The following FAM13A variants were observed in gnomAD, a reference collection of about 807,000 sequenced individuals.
FAM13A encodes the protein family with sequence similarity 13 member A.
A neutral mutation model predicts 129.6 loss-of-function variants in FAM13A; 76 were observed. The observed-to-expected ratio is 0.59, with a 90% CI of 0.49 to 0.71. The LOEUF (loss-of-function observed/expected upper bound fraction) is 0.71, where lower values mean the gene tolerates loss of function less well. Ranked by LOEUF, FAM13A falls within the 30% of genes least tolerant of loss-of-function variation. The pLI, the probability that FAM13A is intolerant of heterozygous loss-of-function variation, is 0.00. For missense variants in FAM13A, 1,108 were observed against 1,249.3 expected (o/e 0.89, Z 1.70); for synonymous variants, 443 against 449.9 (o/e 0.98, Z 0.20).
chr4:88,938,391 C>A (rs1754178230), intron 4 of FAM13A, 150 bp from the exon 5 acceptor site: 2 of 589,576 alleles, frequency 3.4e-6, no homozygotes, highest in East Asian at 2.9e-5. Context: ...ACATGCATGA[C>A]ATTGTTGGGG....
chr4:88,978,778 G>A (rs1167454209), intron 4 of FAM13A, among the ~76,000 whole-genome samples: 4 of 151,830 alleles, frequency 2.6e-5, no homozygotes, highest in South Asian at 2.1e-4. Flanking sequence ...TGGGCGACAG[G>A]GCGAGACTCC....
At chr4:88,928,300 G>C (rs779989687) in intron 5 of FAM13A, among the ~76,000 whole-genome samples, 1 of 152,190 alleles carries the variant, frequency 6.6e-6, no homozygotes, top group South Asian at 2.1e-4. Context: ...AGAGAAGAAT[G>C]TATATTCCAT....
intron 3 of FAM13A, among the ~76,000 whole-genome samples, chr4:88,999,240 G>T (rs1431850872): frequency 1.3e-5 from 2 of 152,150 alleles, no homozygotes; most frequent in African/African-American, 4.8e-5. Flanking sequence ...TATTTATTTT[G>T]TGAGTATTTA....
intron 3 of FAM13A, among the ~76,000 whole-genome samples, chr4:89,008,358 G>C (rs1765323768): frequency 6.6e-6 from 1 of 152,158 alleles, no homozygotes; most frequent in Admixed American, 6.5e-5. Context: ...AGAAGAGAAA[G>C]AGGTATCAGG....
intron 4 of FAM13A, among the ~76,000 whole-genome samples, chr4:88,942,299 G>C (rs1285878090): frequency 6.6e-6 from 1 of 152,156 alleles, no homozygotes; most frequent in Non-Finnish European, 1.5e-5. Context: ...GGGTATGGTG[G>C]CTCATGCCTA....
chr4:88,838,799 C>T (rs956774375), intron 7 of FAM13A, among the ~76,000 whole-genome samples: 2 of 152,052 alleles, frequency 1.3e-5, no homozygotes, highest in African/African-American at 2.4e-5. Flanking sequence ...AATTTCACTG[C>T]AGTACTTGCA....
In FAM13A at chr4:88,743,523, C is replaced by T. The variant is rs573900671; in HGVS notation, c.2466+3409G>A. ...GCACCAGAGAGGGTAATGATTTGCTCAAGGCCACAGAGATGGGTCCAGATC... is the reference window on the plus strand; with the variant it reads ...GCACCAGAGAGGGTAATGATTTGCTTAAGGCCACAGAGATGGGTCCAGATC... On this transcript the variant is annotated intron_variant, in intron 19 of 23. Transcript: ENST00000264344. Among the ~76,000 whole-genome samples, 5 of 152,260 alleles carry T rather than the reference C, an allele frequency of 3.3e-5. No individual in the cohort carries two copies. The East Asian group carries it at 5.8e-4, about 18-fold the overall frequency.
At position 88,768,013 on chromosome 4, in the gene FAM13A, G is replaced by C. The variant is rs1342560589; in HGVS notation, c.1505C>G (p.Pro502Arg). 1.2e-6 allele frequency: 2 copies of C among 1,608,174 alleles called. No individual in the cohort carries two copies. Among genetic ancestry groups the C allele is most frequent in the East Asian group, 2.2e-5 (1 of 44,750 alleles). ...ATCAGACATCCATTCAAAATCATCA[G>C]GTCCAGTTCTCTCATGAGATCGTGT... is the stretch of plus-strand genomic sequence containing the variant. ...NSTRSHERTG[P>R]DDFEWMSDER... is the part of the protein sequence containing the mutation. The change falls in exon 12 of 24, where the codon CCT (proline) becomes CGT (arginine). Residue 502 changes from proline to arginine, a missense_variant. By Grantham distance (103) the Pro-to-Arg change is moderately radical. Around this residue, in one of 3 missense-constraint regions of FAM13A, gnomAD observed 13 missense variants for 32.4 expected, o/e 0.40. Coordinates refer to ENST00000264344, the MANE Select transcript of FAM13A (RefSeq NM_014883.4).
chr4:89,034,923 T>C (rs1769172140), intron 1 of FAM13A, among the ~76,000 whole-genome samples: 1 of 152,114 alleles, frequency 6.6e-6, no homozygotes, highest in Non-Finnish European at 1.5e-5. Flanking sequence ...AAGATATATG[T>C]GCTCATATGT....
intron 4 of FAM13A, among the ~76,000 whole-genome samples, chr4:88,957,202 G>A (rs890689774): frequency 2.6e-5 from 4 of 152,046 alleles, no homozygotes; most frequent in African/African-American, 4.8e-5. Flanking sequence ...GGCACATGCC[G>A]GCAGTCCCAT....
chr4:89,047,201 T>C (rs1770971718), intron 1 of FAM13A, among the ~76,000 whole-genome samples: 1 of 152,172 alleles, frequency 6.6e-6, no homozygotes, highest in African/African-American at 2.4e-5. Context: ...AAGCATAATC[T>C]GTTTTTATAA....
chr4:88,880,871 A>C (rs1579095036), intron 6 of FAM13A, among the ~76,000 whole-genome samples: 3 of 128,836 alleles, frequency 2.3e-5, no homozygotes, highest in African/African-American at 6.1e-5. Context: ...GCTTTTCCCC[A>C]CTCCCTTGGG....
intron 6 of FAM13A, among the ~76,000 whole-genome samples, chr4:88,862,389 G>A (rs1739633277): frequency 6.6e-6 from 1 of 152,252 alleles, no homozygotes. Flanking sequence ...AAATGAGTGG[G>A]CATGGAAGGA....
At chr4:88,811,583 G>C (rs1729676149) in intron 7 of FAM13A, among the ~76,000 whole-genome samples, 1 of 136,506 alleles carries the variant, frequency 7.3e-6, no homozygotes, top group African/African-American at 2.7e-5. Flanking sequence ...GGGGGGAAAA[G>C]GAACAGAGTT....
At chr4:88,916,335 C>T (rs1404447128) in intron 5 of FAM13A, among the ~76,000 whole-genome samples, 1 of 152,172 alleles carries the variant, frequency 6.6e-6, no homozygotes, top group Non-Finnish European at 1.5e-5. Context: ...AGTTTTCCTT[C>T]AGCTCCTATA....
At chr4:89,028,649 T>A (rs1768298534) in intron 2 of FAM13A, among the ~76,000 whole-genome samples, 1 of 151,966 alleles carries the variant, frequency 6.6e-6, no homozygotes, top group Admixed American at 6.6e-5. Flanking sequence ...TATGATCATA[T>A]CACTGCACTC....
chr4:89,051,006 T>C (rs1771522239), intron 1 of FAM13A, among the ~76,000 whole-genome samples: 1 of 152,140 alleles, frequency 6.6e-6, no homozygotes, highest in African/African-American at 2.4e-5. Flanking sequence ...TTGTACTACC[T>C]AAGAAAATTT....
intron 17 of FAM13A, among the ~76,000 whole-genome samples, chr4:88,748,337 C>A (rs1741828090): frequency 6.6e-6 from 1 of 152,118 alleles, no homozygotes; most frequent in African/African-American, 2.4e-5. Flanking sequence ...GTAACATTTT[C>A]TTTGATTACA....
chr4:88,769,546 GAAT>G (rs1578569910), intron 11 of FAM13A, among the ~76,000 whole-genome samples: 1 of 152,158 alleles, frequency 6.6e-6, no homozygotes, highest in East Asian at 1.9e-4. Flanking sequence ...TAAAGTACTA[GAAT>G]AATGATGGGC....
Sources: gnomAD v4.1 joint callset for allele counts (sites outside exome capture counted in the v4.1 genomes callset) on GRCh38, gnomAD v4.1.1 for gene constraint, gnomAD v4.1.1 regional missense constraint, MANE v1.5 for transcripts, NCBI Gene and HGNC (gene_info 2026-07-23, HGNC 2026-07-21) for gene names.